Variants in CACNA2D2 observed in about 807,000 individuals in gnomAD.
CACNA2D2 encodes voltage-dependent calcium channel subunit alpha-2/delta-2.
Under a neutral mutation model 166.4 loss-of-function variants are expected in CACNA2D2, and 48 were observed. That is an observed-to-expected ratio of 0.29 (90% CI 0.23 to 0.37). CACNA2D2 has a LOEUF of 0.37. CACNA2D2 is among the 10% of genes least tolerant of loss of function. The pLI, the probability that CACNA2D2 is intolerant of heterozygous loss-of-function variation, is 1.00. For synonymous variants in CACNA2D2, 561 were observed against 573.7 expected, an observed-to-expected ratio of 0.98 and a Z score of 0.32; for missense variants, 1,122 against 1,433.0, an observed-to-expected ratio of 0.78 and a Z score of 3.50.
At chr3:50,391,715 A>ATACCATTGC (rs1705901715) in intron 4 of CACNA2D2, among the ~76,000 whole-genome samples, 1 of 152,188 alleles carries the variant, frequency 6.6e-6, no homozygotes, top group African/African-American at 2.4e-5. Context: ...TATACCATTG[A>ATACCATTGC]TACCATTGTC....
intron 2 of CACNA2D2, among the ~76,000 whole-genome samples, chr3:50,470,650 C>G (rs1011579703): frequency 6.6e-6 from 1 of 151,128 alleles, no homozygotes; most frequent in African/African-American, 2.4e-5. Flanking sequence ...CCATCCAATC[C>G]TGTGTCTCCC....
At chr3:50,381,771 G>A (rs1366562842) in intron 6 of CACNA2D2, among the ~76,000 whole-genome samples, 1 of 151,982 alleles carries the variant, frequency 6.6e-6, no homozygotes, top group African/African-American at 2.4e-5. Context: ...TCTAACCTGT[G>A]TGTTTCCAGC....
chr3:50,368,056 C>A lies in CACNA2D2; in HGVS notation c.2143+82G>T, dbSNP rs587650482. 107 of 1,239,576 alleles carry A rather than the reference C, an allele frequency of 8.6e-5. No homozygotes were observed. In the African/African-American group the frequency reaches 1.3e-3, roughly 15 times the overall value. The allele number at this position is 1,239,576 out of a possible 1,614,324, so 76.8% of individuals were successfully genotyped here. Reference sequence around the variant, plus strand: ...AGCTTGTGCCTGCTTATTTCCACACCTGCCCGGCCTCTGGGTTCCTCTGGG... The same window carrying A: ...AGCTTGTGCCTGCTTATTTCCACACATGCCCGGCCTCTGGGTTCCTCTGGG... On this transcript the variant is annotated intron_variant, in intron 24 of 37. Coordinates refer to ENST00000424201, the MANE Select transcript of CACNA2D2 (RefSeq NM_006030.4).
At position 50,362,658 on chromosome 3, in the gene CACNA2D2, C is replaced by T. The variant is rs1041338120; in HGVS notation, c.*2008G>A. 2 of 153,728 alleles carry T rather than the reference C, an allele frequency of 1.3e-5. No homozygotes were observed. The highest frequency in any genetic ancestry group is 4.8e-5 in the African/African-American group (2 of 41,468). 9.5% of individuals were successfully genotyped at this position (153,728 alleles called of 1,614,324 possible). On this transcript the variant is annotated 3_prime_UTR_variant, in exon 38 of 38. Coordinates refer to ENST00000424201, the MANE Select transcript of CACNA2D2 (RefSeq NM_006030.4). ...TATTATAACTGGTGGAAGCAAGTGC[C>T]ATGCCCTGTGGTTGACAGGGACCTG... is the stretch of plus-strand genomic sequence containing the variant.
intron 2 of CACNA2D2, among the ~76,000 whole-genome samples, chr3:50,471,334 G>A (rs934539680): frequency 1.3e-5 from 2 of 152,174 alleles, no homozygotes. Flanking sequence ...CCTGTCTCCT[G>A]TGGGCACATG....
chr3:50,443,013 G>C (rs767973206), intron 2 of CACNA2D2, among the ~76,000 whole-genome samples: 1 of 152,172 alleles, frequency 6.6e-6, no homozygotes, highest in Non-Finnish European at 1.5e-5. Context: ...ATTTGAGCCT[G>C]AGGTGAACCA....
chr3:50,432,099 A>ACTCTCCCT (rs1469648037), intron 3 of CACNA2D2, among the ~76,000 whole-genome samples: 2 of 152,056 alleles, frequency 1.3e-5, no homozygotes, highest in African/African-American at 4.8e-5. Context: ...TGTCTCCCTC[A>ACTCTCCCT]CATAGCAGAG....
intron 2 of CACNA2D2, among the ~76,000 whole-genome samples, chr3:50,455,406 A>AAT (rs776282172): frequency 3.3e-5 from 5 of 152,196 alleles, no homozygotes; most frequent in Non-Finnish European, 7.3e-5. Context: ...CAGTCAAAGT[A>AAT]ATATGCCTGC....
chr3:50,484,524 C>A (rs1698193684), intron 1 of CACNA2D2, among the ~76,000 whole-genome samples: 1 of 152,206 alleles, frequency 6.6e-6, no homozygotes, highest in Non-Finnish European at 1.5e-5. Flanking sequence ...AGTCCCTGCA[C>A]AGGCTTCGGC....
At chr3:50,475,882 A>T (rs1710287501) in intron 2 of CACNA2D2, among the ~76,000 whole-genome samples, 1 of 152,120 alleles carries the variant, frequency 6.6e-6, no homozygotes, top group Admixed American at 6.5e-5. Context: ...CCTTTCAGCA[A>T]CAGGGTCATC....
chr3:50,456,379 C>A (rs188952059), intron 2 of CACNA2D2, among the ~76,000 whole-genome samples: 1 of 152,306 alleles, frequency 6.6e-6, no homozygotes, highest in East Asian at 1.9e-4. Context: ...CCATTCACAG[C>A]TGAGTGGGTC....
chr3:50,443,557 C>T (rs970713200), intron 2 of CACNA2D2, among the ~76,000 whole-genome samples: 2 of 152,226 alleles, frequency 1.3e-5, no homozygotes, highest in African/African-American at 4.8e-5. Flanking sequence ...TTCTCTGGCC[C>T]GCAGACTAGC....
At chr3:50,389,799 T>A (rs1440381746) in intron 4 of CACNA2D2, among the ~76,000 whole-genome samples, 1 of 152,182 alleles carries the variant, frequency 6.6e-6, no homozygotes, top group Admixed American at 6.5e-5. Flanking sequence ...TTCTGTATGG[T>A]CTCCCTGCCC....
At chr3:50,457,120 C>T (rs1371578939) in intron 2 of CACNA2D2, among the ~76,000 whole-genome samples, 32 of 152,082 alleles carry the variant, frequency 2.1e-4, no homozygotes, top group Non-Finnish European at 1.6e-4. Flanking sequence ...CATGGTGGCA[C>T]GCGCCTGTAA....
chr3:50,416,660 C>T (rs1359456369), intron 3 of CACNA2D2, among the ~76,000 whole-genome samples: 3 of 152,238 alleles, frequency 2.0e-5, no homozygotes, highest in Non-Finnish European at 4.4e-5. Flanking sequence ...TTAGACCTAG[C>T]TGGGAAGCCA....
intron 3 of CACNA2D2, among the ~76,000 whole-genome samples, chr3:50,394,785 C>T (rs558377857): frequency 6.6e-6 from 1 of 152,374 alleles, no homozygotes; most frequent in East Asian, 1.9e-4. Flanking sequence ...TGTGTCTGTC[C>T]ATCCCACATC....
chr3:50,484,179 T>G (rs867505790), intron 1 of CACNA2D2, among the ~76,000 whole-genome samples: 1 of 152,162 alleles, frequency 6.6e-6, no homozygotes, highest in Middle Eastern at 3.2e-3. Context: ...TAGAACCCGC[T>G]TTCTCTCACA....
In CACNA2D2 at chr3:50,365,229, T is replaced by TGACCCACCCC; in HGVS notation, c.3099-55_3099-46dup. 3 of 393,292 alleles carry TGACCCACCCC rather than the reference T, an allele frequency of 7.6e-6. No individual in the cohort carries two copies. In the South Asian group the frequency reaches 9.5e-5, roughly 12 times the overall value. 24.4% of individuals were successfully genotyped at this position (393,292 alleles called of 1,614,324 possible). A position where few individuals can be genotyped will look rare whatever the true frequency, so the allele number is the denominator to read the frequency against. ...GCGGGGCGTTGAGTTTGCCCCGCCC[T>TGACCCACCCC]GACCCACCCCCATCCTGCGGCCCCG... On this transcript the variant is annotated intron_variant, in intron 35 of 37. Coordinates refer to ENST00000424201, the MANE Select transcript of CACNA2D2 (RefSeq NM_006030.4). This position sits in a 1 kb window ranked among gnomAD's most constrained non-coding sequence, Gnocchi z 4.5.
rs927914692 is a variant in CACNA2D2, at chr3:50,434,218, G to T, written c.405+95C>A. ...GCCCAGCTGAACTCAGGAGGGCCAC[G>T]TGATGAAGGCTCAGGACACTGCCCT... On this transcript the variant is annotated intron_variant, in intron 3 of 37. Coordinates refer to ENST00000424201, the MANE Select transcript of CACNA2D2 (RefSeq NM_006030.4). The T allele has an allele frequency of 3.6e-6, 3 of 834,800 alleles. No homozygotes were observed. The South Asian group carries it at 4.6e-5, about 13-fold the overall frequency. 51.7% of individuals were successfully genotyped at this position (834,800 alleles called of 1,614,324 possible).
Sources: gnomAD v4.1 joint callset for allele counts (sites outside exome capture counted in the v4.1 genomes callset) on GRCh38, gnomAD v4.1.1 for gene constraint, Gnocchi (gnomAD v3.1) non-coding constraint, MANE v1.5 for transcripts, NCBI Gene and HGNC (gene_info 2026-07-23, HGNC 2026-07-21) for gene names.